The following CNTNAP4 variants were observed in gnomAD, a reference collection of about 807,000 sequenced individuals.
CNTNAP4 encodes contactin associated protein family member 4.
CNTNAP4 carries 98 observed loss-of-function variants against 148.4 expected under a neutral mutation model. The observed-to-expected ratio is 0.66, with a 90% CI of 0.56 to 0.78. The LOEUF is 0.78. Among genes scored for constraint, CNTNAP4 ranks in the 30% least tolerant of loss-of-function variants. CNTNAP4 has a pLI of 0.00. For synonymous variants in CNTNAP4, 730 were observed against 565.1 expected (o/e 1.29, Z -4.14); for missense variants, 1,935 against 1,565.6 (o/e 1.24, Z -3.98).
At chr16:76,344,105 C>A (rs1376720999) in intron 2 of CNTNAP4, among the ~76,000 whole-genome samples, 1 of 152,070 alleles carries the variant, frequency 6.6e-6, no homozygotes, top group African/African-American at 2.4e-5. Context: ...TCTTTGCATA[C>A]CACCCTATCA....
At chr16:76,301,150 A>C (rs1384318546) in intron 1 of CNTNAP4, among the ~76,000 whole-genome samples, 1 of 152,058 alleles carries the variant, frequency 6.6e-6, no homozygotes, top group Non-Finnish European at 1.5e-5. Flanking sequence ...AAATTAACAC[A>C]CACAAAAAGA....
chr16:76,544,134 A>G (rs2084592128), intron 21 of CNTNAP4, among the ~76,000 whole-genome samples: 1 of 152,068 alleles, frequency 6.6e-6, no homozygotes, highest in South Asian at 2.1e-4. Flanking sequence ...TACCCTCCAA[A>G]TTAAAATATA....
intron 8 of CNTNAP4, among the ~76,000 whole-genome samples, chr16:76,460,773 A>AAATATATATATATATATATAT: frequency 3.5e-5 from 2 of 57,328 alleles, no homozygotes; most frequent in African/African-American, 1.3e-4. Context: ...AAAAAAAAAA[A>AAATATATATATATATATATAT]ATATATATAT....
At chr16:76,370,266 TC>T (rs1268609137) in intron 3 of CNTNAP4, among the ~76,000 whole-genome samples, 3 of 147,548 alleles carry the variant, frequency 2.0e-5, no homozygotes. Context: ...CAGCATGTCA[TC>T]TAATCTGAGT....
chr16:76,373,988 A>G (rs1380036860), intron 3 of CNTNAP4, among the ~76,000 whole-genome samples: 1 of 152,166 alleles, frequency 6.6e-6, no homozygotes, highest in Non-Finnish European at 1.5e-5. Flanking sequence ...TCAGAGAGAT[A>G]AGAGATACAG....
chr16:76,532,052 C>A (rs1387601142), intron 17 of CNTNAP4, among the ~76,000 whole-genome samples: 1 of 152,088 alleles, frequency 6.6e-6, no homozygotes, highest in East Asian at 1.9e-4. Flanking sequence ...TTTTTATTAT[C>A]TTGTAGTAAT....
At chr16:76,400,437 G>T (rs1042037541) in intron 3 of CNTNAP4, among the ~76,000 whole-genome samples, 5 of 151,940 alleles carry the variant, frequency 3.3e-5, no homozygotes, top group African/African-American at 1.2e-4. Context: ...ACAGATGCTG[G>T]ATATTAGGCT....
chr16:76,315,402 A>T (rs1401730740), intron 1 of CNTNAP4, among the ~76,000 whole-genome samples: 1 of 152,208 alleles, frequency 6.6e-6, no homozygotes, highest in African/African-American at 2.4e-5. Context: ...GGGAAAGTTC[A>T]AATATACGTC....
At chr16:76,531,310 C>T (rs916300959) in intron 17 of CNTNAP4, among the ~76,000 whole-genome samples, 1 of 152,150 alleles carries the variant, frequency 6.6e-6, no homozygotes, top group African/African-American at 2.4e-5. Flanking sequence ...TACTCCATGA[C>T]AATAACGTCT....
chr16:76,526,790 C>A (rs530609651), intron 17 of CNTNAP4, among the ~76,000 whole-genome samples: 1 of 152,248 alleles, frequency 6.6e-6, no homozygotes, highest in African/African-American at 2.4e-5. Context: ...TCTCCCACCT[C>A]AGCCTCCCAA....
At chr16:76,299,974 A>T (rs12444573) in intron 1 of CNTNAP4, among the ~76,000 whole-genome samples, 457 of 150,734 alleles carry the variant, frequency 3.0e-3, no homozygotes, top group Non-Finnish European at 4.5e-3. Flanking sequence ...GAAGGGGAAC[A>T]TTGCACACTG....
intron 2 of CNTNAP4, among the ~76,000 whole-genome samples, chr16:76,346,945 A>G (rs1352806018): frequency 6.6e-6 from 1 of 152,204 alleles, no homozygotes; most frequent in Admixed American, 6.5e-5. Context: ...CCATGAGGGA[A>G]TATTGATTGA....
Position 76,553,373 on chromosome 16 carries a change from C to G in CNTNAP4, c.3533C>G (p.Pro1178Arg), listed in dbSNP as rs1229156973. The G allele has an allele frequency of 6.2e-7, 1 of 1,612,818 alleles. No homozygotes were observed. The highest frequency in any genetic ancestry group is 8.5e-7 in the Non-Finnish European group (1 of 1,179,320). ...GCAGTGCAGCTCAGCCACGTGGCCCCTCTGAAGGCAGCTCTGCACCCCAGC... is the reference window on the plus strand; with the variant it reads ...GCAGTGCAGCTCAGCCACGTGGCCCGTCTGAAGGCAGCTCTGCACCCCAGC... ...LSAVQLSHVA[P>R]LKAALHPSHP... The change falls in exon 22 of 24, where the codon CCT becomes CGT. Residue 1178 changes from proline (P) to arginine (R), a missense_variant. Transcript: ENST00000611870.
chr16:76,519,673 T>G (rs1057336550), intron 15 of CNTNAP4, among the ~76,000 whole-genome samples: 2 of 152,182 alleles, frequency 1.3e-5, no homozygotes, highest in African/African-American at 4.8e-5. Flanking sequence ...GTCCTAGAGA[T>G]CCAAAGGTCT....
At chr16:76,405,355 A>T (rs910132168) in intron 3 of CNTNAP4, among the ~76,000 whole-genome samples, 3 of 152,178 alleles carry the variant, frequency 2.0e-5, no homozygotes, top group African/African-American at 7.2e-5. Flanking sequence ...TTTCCAAATC[A>T]TCAATTTCTA....
At chr16:76,339,835 T>A (rs887593056) in intron 2 of CNTNAP4, among the ~76,000 whole-genome samples, 4 of 152,256 alleles carry the variant, frequency 2.6e-5, no homozygotes, top group African/African-American at 7.2e-5. Context: ...GGCTTTCTAA[T>A]ACGAGATTTG....
intron 1 of CNTNAP4, among the ~76,000 whole-genome samples, chr16:76,282,652 C>T (rs887440399): frequency 6.6e-6 from 1 of 151,892 alleles, no homozygotes; most frequent in African/African-American, 2.4e-5. Flanking sequence ...GCACTGCCCA[C>T]TAAGAGCTCA....
chr16:76,500,715 A>C (rs1262291372), intron 15 of CNTNAP4, among the ~76,000 whole-genome samples: 1 of 151,820 alleles, frequency 6.6e-6, no homozygotes, highest in Non-Finnish European at 1.5e-5. Context: ...CTTAAACCAG[A>C]ATTTTAAAGT....
chr16:76,328,623 A>G (rs1416890913), intron 2 of CNTNAP4, among the ~76,000 whole-genome samples: 3 of 152,146 alleles, frequency 2.0e-5, no homozygotes, highest in Admixed American at 6.5e-5. Flanking sequence ...ATTAGTTGTG[A>G]CAAATGTACC....
Sources: gnomAD v4.1 joint callset for allele counts (sites outside exome capture counted in the v4.1 genomes callset) on GRCh38, gnomAD v4.1.1 for gene constraint, MANE v1.5 for transcripts, NCBI Gene and HGNC (gene_info 2026-07-23, HGNC 2026-07-21) for gene names.